Variants in EEPD1 observed in about 807,000 individuals in gnomAD.
EEPD1 encodes the protein endonuclease/exonuclease/phosphatase family domain-containing protein 1.
In EEPD1, 17 loss-of-function variants were observed where a neutral mutation model predicts 46.3. The ratio of observed to expected loss-of-function variants is 0.37; its 90% CI spans 0.25 to 0.55. The LOEUF (loss-of-function observed/expected upper bound fraction) is 0.55. EEPD1 is among the 20% of genes least tolerant of loss of function. The probability of loss-of-function intolerance (pLI) is 0.83; values close to 1 mark genes in which losing one functional copy is unlikely to be tolerated. For synonymous variants in EEPD1, 313 were observed against 315.6 expected (o/e 0.99, Z 0.09); for missense variants, 673 against 745.6 (o/e 0.90, Z 1.13).
At chr7:36,217,345 A>C (rs1003284182) in intron 2 of EEPD1, among the ~76,000 whole-genome samples, 6 of 152,254 alleles carry the variant, frequency 3.9e-5, no homozygotes, top group Non-Finnish European at 8.8e-5. Flanking sequence ...CTGTCATGGC[A>C]CTGGCGAGAG....
At chr7:36,179,378 C>A (rs1020010320) in intron 2 of EEPD1, among the ~76,000 whole-genome samples, 53 of 152,216 alleles carry the variant, frequency 3.5e-4, no homozygotes, top group African/African-American at 1.3e-3. Context: ...ATTGGGGTTA[C>A]ATGCTCAAAT....
intron 6 of EEPD1, among the ~76,000 whole-genome samples, chr7:36,289,285 T>C (rs1311429780): frequency 1.3e-5 from 2 of 152,220 alleles, no homozygotes; most frequent in East Asian, 1.9e-4. Flanking sequence ...CAGAACCTTT[T>C]CATCTTTCCA....
rs144151701 is a variant in EEPD1, at chr7:36,268,447, C to T, written c.931-12668C>T. Among the ~76,000 whole-genome samples the T allele has an allele frequency of 4.1e-3, 622 of 152,322 alleles. 6 individuals carry two copies. The highest frequency in any genetic ancestry group is 0.014 in the African/African-American group (592 of 41,568). On this transcript the variant is annotated intron_variant, in intron 3 of 7. Transcript: ENST00000242108. ...GTGCTGGGATTACAGGCATGAGCCA[C>T]CTTACCCAGCTGCTTGCTAAATTTT...
chr7:36,238,950 G>A (rs773896532), intron 2 of EEPD1, 35 bp from the exon 3 acceptor site: 1 of 1,594,278 alleles, frequency 6.3e-7, no homozygotes, highest in Admixed American at 1.8e-5. Context: ...GAAATGATTT[G>A]TTTTCAAGTG....
chr7:36,273,377 C>CT (rs899604582), intron 3 of EEPD1, among the ~76,000 whole-genome samples: 7 of 152,066 alleles, frequency 4.6e-5, no homozygotes, highest in East Asian at 1.9e-4. Context: ...CTCCCCCTGG[C>CT]TTTTTTTAAA....
chr7:36,279,676 A>C (rs1164862400), intron 3 of EEPD1, among the ~76,000 whole-genome samples: 1 of 152,226 alleles, frequency 6.6e-6, no homozygotes, highest in Non-Finnish European at 1.5e-5. Context: ...CTGGGCGGCC[A>C]CAGCAGCTCT....
At chr7:36,267,494 G>A (rs1017376833) in intron 3 of EEPD1, among the ~76,000 whole-genome samples, 3 of 151,902 alleles carry the variant, frequency 2.0e-5, no homozygotes, top group Non-Finnish European at 2.9e-5. Flanking sequence ...CCCTCCTCTT[G>A]GCCTAATTAA....
At chr7:36,295,094 C>T (rs12531514) in intron 6 of EEPD1, among the ~76,000 whole-genome samples, 9,265 of 151,710 alleles carry the variant, frequency 0.061, 501 homozygotes, top group East Asian at 0.19. Flanking sequence ...AGGAGGATTG[C>T]TTGAACCCGA....
intron 3 of EEPD1, among the ~76,000 whole-genome samples, chr7:36,267,124 C>T (rs1262007241): frequency 6.6e-6 from 1 of 152,194 alleles, no homozygotes; most frequent in Non-Finnish European, 1.5e-5. Context: ...TGCCCACTGC[C>T]ATCCTCCCAG....
rs1784786344 is a variant in EEPD1 at position 36,154,651 on chromosome 7, C to T, written c.327C>T (p.His109=). The change falls in exon 2 of 8, where the codon CAC becomes CAT. Residue 109 remains histidine (H), a synonymous_variant. Coordinates refer to ENST00000242108, the MANE Select transcript of EEPD1 (RefSeq NM_030636.3). The surrounding 1 kb of genome is among the most constrained non-coding windows in gnomAD (Gnocchi z 4.2). ...GCAGCAAGGGCAGCTCAGCGCAGCA[C>T]TCTCCCAGTTCCCTGCGGCGGGACC... ...CVSSKGSSAQ[H]SPSSLRRDLL... 6.2e-7 allele frequency: 1 copy of T among 1,613,956 alleles called. No individual in the cohort carries two copies. The highest frequency in any genetic ancestry group is 8.5e-7 in the Non-Finnish European group (1 of 1,180,038).
intron 4 of EEPD1, among the ~76,000 whole-genome samples, chr7:36,283,393 C>G (rs947237690): frequency 6.6e-6 from 1 of 152,082 alleles, no homozygotes; most frequent in African/African-American, 2.4e-5. Context: ...CCAGGGCCAT[C>G]GGGGAGCCCC....
intron 2 of EEPD1, among the ~76,000 whole-genome samples, chr7:36,172,199 G>A (rs900219629): frequency 1.3e-5 from 2 of 152,096 alleles, no homozygotes; most frequent in South Asian, 2.1e-4. Flanking sequence ...AATGTTGGGC[G>A]TGTTAAGCCT....
chr7:36,227,348 G>A (rs1392231296), intron 2 of EEPD1, among the ~76,000 whole-genome samples: 1 of 152,198 alleles, frequency 6.6e-6, no homozygotes, highest in Non-Finnish European at 1.5e-5. Context: ...CACAGAGATT[G>A]TTCTGTGCTG....
At position 36,155,188 on chromosome 7, in the gene EEPD1, A is replaced by C. The variant is rs369820285; in HGVS notation, c.864A>C (p.Thr288=). Residue 288 remains threonine (T), a synonymous_variant, in exon 2 of 8, where the codon ACA becomes ACC. Transcript: ENST00000242108. ...NPGVREVVCM[T]LLENSIKLLA... ...GGGTGCGAGAGGTGGTGTGCATGAC[A>C]CTCCTGGAAAACAGGTGAGGACAGG... The C allele has an allele frequency of 6.6e-7, 1 of 1,509,940 alleles. No homozygotes were observed. Among genetic ancestry groups the C allele is most frequent in the Non-Finnish European group, 8.9e-7 (1 of 1,128,730 alleles). The allele number at this position is 1,509,940 out of a possible 1,614,324, so 93.5% of individuals were successfully genotyped here.
intron 3 of EEPD1, among the ~76,000 whole-genome samples, chr7:36,240,563 T>C (rs1168130713): frequency 6.6e-6 from 1 of 152,210 alleles, no homozygotes; most frequent in Non-Finnish European, 1.5e-5. Flanking sequence ...TAATTCTTAA[T>C]ATGCATTCAG....
rs545141290 is a variant in EEPD1 at position 36,240,078 on chromosome 7, G to A, written c.930+1042G>A. Among the ~76,000 whole-genome samples the A allele has an allele frequency of 2.0e-5, 3 of 152,264 alleles. No individual in the cohort carries two copies. The South Asian group carries it at 6.2e-4, about 32-fold the overall frequency. On this transcript the variant is annotated intron_variant, in intron 3 of 7. Transcript: ENST00000242108. ...GAGCCCAGGAGTTTGAGACCAGCCTGGGCAACATAGTGAGACCTCATCTCT... is the reference window on the plus strand; with the variant it reads ...GAGCCCAGGAGTTTGAGACCAGCCTAGGCAACATAGTGAGACCTCATCTCT...
chr7:36,180,386 C>T (rs1353759478), intron 2 of EEPD1, among the ~76,000 whole-genome samples: 2 of 152,122 alleles, frequency 1.3e-5, no homozygotes, highest in African/African-American at 4.8e-5. Context: ...ATGCCCTGCC[C>T]ACACTTTCAT....
intron 3 of EEPD1, among the ~76,000 whole-genome samples, chr7:36,243,624 C>G (rs1390980957): frequency 6.6e-6 from 1 of 152,116 alleles, no homozygotes; most frequent in East Asian, 1.9e-4. Flanking sequence ...CTGCACAGGC[C>G]TCCTCTTTTA....
At chr7:36,224,651 G>T (rs189064637) in intron 2 of EEPD1, among the ~76,000 whole-genome samples, 2 of 152,276 alleles carry the variant, frequency 1.3e-5, no homozygotes, top group African/African-American at 4.8e-5. Context: ...ACATGGAAAA[G>T]CAACAGAAAG....
Sources: allele counts gnomAD v4.1 joint callset (sites outside exome capture counted in the v4.1 genomes callset), GRCh38; gene constraint gnomAD v4.1.1; non-coding constraint Gnocchi (gnomAD v3.1); transcripts MANE v1.5; gene names NCBI Gene and HGNC (gene_info 2026-07-23, HGNC 2026-07-21).